The following SOD2 variants were observed in gnomAD, a reference collection of about 807,000 sequenced individuals.
SOD2 encodes superoxide dismutase [Mn], mitochondrial.
Under a neutral mutation model 27.0 loss-of-function variants are expected in SOD2, and 11 were observed. The ratio of observed to expected loss-of-function variants is 0.41; its 90% CI spans 0.26 to 0.67. The LOEUF is 0.67. Among genes scored for constraint, SOD2 ranks in the 30% least tolerant of loss-of-function variants. The pLI is 0.34. For synonymous variants in SOD2, 105 were observed against 103.0 expected (o/e 1.02, Z -0.12); for missense variants, 250 against 274.5 (o/e 0.91, Z 0.63).
chr6:159,708,153 C>A (rs553993072), intron 1 of SOD2, among the ~76,000 whole-genome samples: 47 of 152,226 alleles, frequency 3.1e-4, no homozygotes, highest in African/African-American at 1.0e-3. Flanking sequence ...CAAACCCACA[C>A]CCAATATCAT....
At chr6:159,690,632 A>T (rs1048045602) in intron 2 of SOD2, among the ~76,000 whole-genome samples, 1 of 151,784 alleles carries the variant, frequency 6.6e-6, no homozygotes, top group African/African-American at 2.4e-5. Flanking sequence ...TTTTTTATAG[A>T]TCTGTGTTTC....
Position 159,713,302 on chromosome 6 carries a change from C to T in SOD2, c.-116+13827G>A, listed in dbSNP as rs185931269. The stretch of plus-strand genomic sequence containing the variant: ...TATACCCTCCACCATAGGGACCCTG[C>T]CTCATCTTTTCAAACCCAGCTCCTC... On this transcript the variant is annotated intron_variant, in intron 1 of 2. Transcript: ENST00000401980. 29 of 663,298 alleles carry T rather than the reference C, an allele frequency of 4.4e-5. No homozygotes were observed. In the East Asian group the frequency reaches 7.5e-4, roughly 17 times the overall value. The allele number at this position is 663,298 out of a possible 1,614,324, so 41.1% of individuals were successfully genotyped here. A position where few individuals can be genotyped will look rare whatever the true frequency, so the allele number is the denominator to read the frequency against.
chr6:159,756,931 G>A (rs1330021336), intron 1 of SOD2, among the ~76,000 whole-genome samples: 1 of 152,120 alleles, frequency 6.6e-6, no homozygotes, highest in East Asian at 1.9e-4. Flanking sequence ...GAAAAGCAGC[G>A]TTGGTTTTTT....
intron 1 of SOD2, among the ~76,000 whole-genome samples, chr6:159,710,113 G>T (rs1453560695): frequency 9.1e-6 from 1 of 110,354 alleles, no homozygotes; most frequent in Non-Finnish European, 1.7e-5. Context: ...GGGGCCTGTT[G>T]TGGGGTGGGG....
At chr6:159,713,796 C>A in intron 1 of SOD2, 1 of 1,001,760 alleles carries the variant, frequency 1.0e-6, no homozygotes, top group Non-Finnish European at 1.6e-6. Flanking sequence ...AATTTCGCTT[C>A]ATCTGCAGAT....
intron 1 of SOD2, among the ~76,000 whole-genome samples, chr6:159,758,914 T>C (rs1004545388): frequency 6.6e-6 from 1 of 152,118 alleles, no homozygotes; most frequent in Non-Finnish European, 1.5e-5. Flanking sequence ...AGAAGGCCCC[T>C]TCAGGATAAA....
In SOD2 at chr6:159,669,340, G is replaced by A. The variant is rs1009217938; in HGVS notation, c.*13153C>T. The A allele has an allele frequency of 6.6e-6, 1 of 152,192 alleles. No homozygotes were observed. Among genetic ancestry groups the A allele is most frequent in the African/African-American group, 2.4e-5 (1 of 41,446 alleles). 9.4% of individuals were successfully genotyped at this position (152,192 alleles called of 1,614,324 possible). A position where few individuals can be genotyped will look rare whatever the true frequency, so the allele number is the denominator to read the frequency against. On this transcript the variant is annotated 3_prime_UTR_variant, in exon 5 of 5. Coordinates refer to ENST00000538183, the MANE Select transcript of SOD2 (RefSeq NM_000636.4). ...ATGTCAGGTCCATTTGGTGTAAAGT[G>A]CAATTTAAATCCAATATTTATTGGT...
intron 1 of SOD2, chr6:159,726,822 G>A (rs1778190530): frequency 7.8e-7 from 1 of 1,289,232 alleles, no homozygotes; most frequent in Non-Finnish European, 1.0e-6. Context: ...TGAGAGGGAA[G>A]GCATCGGTTT....
At chr6:159,760,312 C>T (rs1292037959) in intron 1 of SOD2, 1 of 152,190 alleles carries the variant, frequency 6.6e-6, no homozygotes, top group Non-Finnish European at 1.5e-5. Flanking sequence ...CTCTGTCGCT[C>T]AGGCTGGAGT....
At chr6:159,718,551 T>C (rs1233636115) in intron 1 of SOD2, among the ~76,000 whole-genome samples, 2 of 152,240 alleles carry the variant, frequency 1.3e-5, no homozygotes, top group East Asian at 1.9e-4. Flanking sequence ...CTAAATGTTA[T>C]AGCTTTAATT....
chr6:159,760,079 G>A (rs2114968979), intron 1 of SOD2, among the ~76,000 whole-genome samples: 1 of 152,324 alleles, frequency 6.6e-6, no homozygotes, highest in South Asian at 2.1e-4. Flanking sequence ...AGTTGAAAGA[G>A]GAAGTTAGGG....
At chr6:159,722,112 C>T (rs1363983377) in intron 1 of SOD2, among the ~76,000 whole-genome samples, 1 of 151,730 alleles carries the variant, frequency 6.6e-6, no homozygotes, top group Non-Finnish European at 1.5e-5. Context: ...GAGCAGTGGC[C>T]CATGCCTGTA....
chr6:159,757,128 G>T (rs1302295322), intron 1 of SOD2, among the ~76,000 whole-genome samples: 1 of 152,162 alleles, frequency 6.6e-6, no homozygotes, highest in Admixed American at 6.5e-5. Context: ...TTTCTCAGAG[G>T]TAATTAAGTA....
At position 159,693,189 on chromosome 6, in the gene SOD2, G is replaced by A; in HGVS notation, c.-22C>T. 3 of 1,521,640 alleles carry A rather than the reference G, an allele frequency of 2.0e-6. No homozygotes were observed. Among genetic ancestry groups the A allele is most frequent in the African/African-American group, 1.4e-5 (1 of 70,176 alleles). The allele number at this position is 1,521,640 out of a possible 1,614,324, so 94.3% of individuals were successfully genotyped here. A position where few individuals can be genotyped will look rare whatever the true frequency, so the allele number is the denominator to read the frequency against. ...ACATGCTGCTAGTGCTGGTGCTACC[G>A]CTGATGCCGCCGATCTGCTGAAGCC... is the stretch of plus-strand genomic sequence containing the variant. On this transcript the variant is annotated 5_prime_UTR_variant, in exon 1 of 5. Transcript: ENST00000538183.
At chr6:159,682,790 A>G (rs1371381957) in intron 4 of SOD2, 152 bp from the exon 5 acceptor site, 78 of 617,690 alleles carry the variant, frequency 1.3e-4, no homozygotes, top group Non-Finnish European at 1.7e-4. Flanking sequence ...GGAAATCTAG[A>G]TAAGAATGAA....
upstream of SOD2, chr6:159,748,424 A>G: frequency 6.3e-7 from 1 of 1,597,590 alleles, no homozygotes; most frequent in Non-Finnish European, 8.5e-7. The surrounding 1 kb of genome is among the most constrained non-coding windows in gnomAD (Gnocchi z 5.6). Context: ...ACTACGAGAA[A>G]GCTGTGGTGG....
chr6:159,757,801 A>G (rs1337655448), intron 1 of SOD2, among the ~76,000 whole-genome samples: 1 of 152,194 alleles, frequency 6.6e-6, no homozygotes. Context: ...GGTGTTTGAT[A>G]TATCAGATAC....
intron 4 of SOD2, among the ~76,000 whole-genome samples, chr6:159,683,628 T>C (rs966998148): frequency 2.1e-4 from 32 of 152,346 alleles, no homozygotes; most frequent in Admixed American, 1.6e-3. Context: ...ATGATTTTTA[T>C]AAACAAAAGG....
chr6:159,728,118 A>C (rs1002314608), upstream of SOD2, among the ~76,000 whole-genome samples: 2 of 152,258 alleles, frequency 1.3e-5, no homozygotes, highest in African/African-American at 4.8e-5. Flanking sequence ...TTCGTTCCCT[A>C]CATTTCATGT....
Sources: gnomAD v4.1 joint callset for allele counts (sites outside exome capture counted in the v4.1 genomes callset) on GRCh38, gnomAD v4.1.1 for gene constraint, Gnocchi (gnomAD v3.1) non-coding constraint, MANE v1.5 for transcripts, NCBI Gene and HGNC (gene_info 2026-07-23, HGNC 2026-07-21) for gene names.